Variants in PACRGL observed in about 807,000 individuals in gnomAD.
PACRGL encodes the protein PACRG-like protein.
PACRGL carries 38 observed loss-of-function variants against 34.5 expected under a neutral mutation model. The ratio of observed to expected loss-of-function variants is 1.10; its 90% CI spans 0.85 to 1.44. The LOEUF is 1.44. Ranked by LOEUF, PACRGL falls within the 40% of genes most tolerant of loss-of-function variation. The pLI is 0.00. For synonymous variants in PACRGL, 128 were observed against 100.1 expected (o/e 1.28, Z -1.66); for missense variants, 305 against 281.4 (o/e 1.08, Z -0.60).
At chr4:20,750,873 A>G (rs1253531661) in intron 8 of PACRGL, among the ~76,000 whole-genome samples, 1 of 152,096 alleles carries the variant, frequency 6.6e-6, no homozygotes, top group Non-Finnish European at 1.5e-5. Flanking sequence ...CTATTTTATA[A>G]CTTTTAACCT....
chr4:20,727,012 C>T (rs948356275), intron 8 of PACRGL, among the ~76,000 whole-genome samples: 2 of 151,982 alleles, frequency 1.3e-5, no homozygotes, highest in African/African-American at 4.8e-5. Context: ...AGTAATTAGT[C>T]CAGGTTTGAC....
At chr4:20,733,339 T>C (rs1181153485), downstream of PACRGL, among the ~76,000 whole-genome samples, 1 of 152,186 alleles carries the variant, frequency 6.6e-6, no homozygotes, top group African/African-American at 2.4e-5. Context: ...CTTTAAATTT[T>C]GTTATTAACT....
At chr4:20,718,704 C>G (rs1560343688) in intron 7 of PACRGL, 1 of 152,168 alleles carries the variant, frequency 6.6e-6, no homozygotes, top group African/African-American at 2.4e-5. Context: ...GGTGGATAAG[C>G]TTTTTGATGT....
downstream of PACRGL, among the ~76,000 whole-genome samples, chr4:20,753,906 G>GTTCA (rs3835144): frequency 0.21 from 32,221 of 151,208 alleles, 3,764 homozygotes; most frequent in East Asian, 0.3. Flanking sequence ...GAGCTCATTT[G>GTTCA]TTCATTCATT....
At position 20,700,719 on chromosome 4, in the gene PACRGL, A is replaced by C. The variant is rs952980927; in HGVS notation, c.-85A>C. On this transcript the variant is annotated 5_prime_UTR_variant, in exon 1 of 9. Coordinates refer to ENST00000503585, the MANE Select transcript of PACRGL (RefSeq NM_001258345.3). ...GACCCTTGAGATCGTGAGCGCTTGG[A>C]GTGTACCCCTCCTTTCCTGGGGTAG... is the stretch of plus-strand genomic sequence containing the variant. The C allele has an allele frequency of 5.3e-5, 8 of 152,174 alleles. No individual in the cohort carries two copies. In the East Asian group the frequency reaches 1.4e-3, roughly 26 times the overall value. The allele number at this position is 152,174 out of a possible 1,614,324, so 9.4% of individuals were successfully genotyped here. A position where few individuals can be genotyped will look rare whatever the true frequency, so the allele number is the denominator to read the frequency against.
chr4:20,761,770 T>C, the PACRGL span, among the ~76,000 whole-genome samples: 12 of 152,246 alleles, frequency 7.9e-5, no homozygotes, highest in Non-Finnish European at 8.8e-5. Flanking sequence ...ATGTGTTTTA[T>C]GTTTAATCAC....
intron 4 of PACRGL, among the ~76,000 whole-genome samples, chr4:20,708,369 T>C (rs1735526515): frequency 6.6e-6 from 1 of 152,204 alleles, no homozygotes; most frequent in African/African-American, 2.4e-5. Context: ...AAAGCATTTA[T>C]TTCTTCAGAG....
At position 20,709,637 on chromosome 4, in the gene PACRGL, T is replaced by C. The variant is rs756313669; in HGVS notation, c.276-46T>C. On this transcript the variant is annotated intron_variant, in intron 4 of 8. Coordinates refer to ENST00000503585, the MANE Select transcript of PACRGL (RefSeq NM_001258345.3). The stretch of plus-strand genomic sequence containing the variant: ...TATGTTAGATTATCCCTGCTTAATA[T>C]AGAATTATATTTTTCTTGTTGCATT... 4 of 1,257,108 alleles carry C rather than the reference T, an allele frequency of 3.2e-6. No homozygotes were observed. In the South Asian group the frequency reaches 3.9e-5, roughly 12 times the overall value. 77.9% of individuals were successfully genotyped at this position (1,257,108 alleles called of 1,614,324 possible). A position where few individuals can be genotyped will look rare whatever the true frequency, so the allele number is the denominator to read the frequency against.
chr4:20,713,238 TG>T (rs1738155455), intron 6 of PACRGL, 193 bp from the exon 7 acceptor site: 1 of 578,112 alleles, frequency 1.7e-6, no homozygotes, highest in South Asian at 2.5e-5. Flanking sequence ...ATGGAAAATT[TG>T]TTTTTTGCTT....
intron 8 of PACRGL, among the ~76,000 whole-genome samples, chr4:20,727,034 T>C (rs1383017833): frequency 6.6e-6 from 1 of 152,192 alleles, no homozygotes; most frequent in Non-Finnish European, 1.5e-5. Context: ...AATAAGTGAC[T>C]AGTAGATGCT....
chr4:20,733,991 C>T (rs1004643409), downstream of PACRGL, among the ~76,000 whole-genome samples: 8 of 152,136 alleles, frequency 5.3e-5, no homozygotes, highest in Non-Finnish European at 8.8e-5. Context: ...GGGGAAGTCT[C>T]GTGAGGCAAA....
upstream of PACRGL, among the ~76,000 whole-genome samples, chr4:20,699,222 GATT>G (rs1361687666): frequency 2.6e-3 from 334 of 129,938 alleles, 7 homozygotes; most frequent in South Asian, 0.051. Context: ...CAGGATATAA[GATT>G]TTTTTTTTTA....
At chr4:20,763,720 T>C in the PACRGL span, among the ~76,000 whole-genome samples, 4 of 152,082 alleles carry the variant, frequency 2.6e-5, no homozygotes, top group Non-Finnish European at 5.9e-5. Flanking sequence ...GCTTTATTTA[T>C]TGATTTTTAT....
chr4:20,739,200 T>G (rs976762472), intron 8 of PACRGL, among the ~76,000 whole-genome samples: 1 of 152,308 alleles, frequency 6.6e-6, no homozygotes, highest in East Asian at 1.9e-4. Context: ...TTCTGCAGAC[T>G]TAAACATCCC....
chr4:20,716,344 G>A (rs114800874), intron 7 of PACRGL: 7 of 560,314 alleles, frequency 1.2e-5, no homozygotes, highest in Non-Finnish European at 2.2e-5. Flanking sequence ...TTTTTTTTTT[G>A]TTTGTTTGTT....
upstream of PACRGL, among the ~76,000 whole-genome samples, chr4:20,700,240 T>C (rs1175813857): frequency 1.3e-5 from 2 of 152,182 alleles, no homozygotes; most frequent in Non-Finnish European, 2.9e-5. Context: ...TCTCCGGACC[T>C]CTTATTCGAA....
chr4:20,758,987 G>A, the PACRGL span: 1 of 854,432 alleles, frequency 1.2e-6, no homozygotes, highest in East Asian at 2.5e-5. Context: ...ATGCAAAGCT[G>A]CACCAAGAAA....
intron 4 of PACRGL, 87 bp from the exon 5 acceptor site, chr4:20,709,596 T>G: frequency 1.3e-6 from 1 of 794,488 alleles, no homozygotes; most frequent in Non-Finnish European, 2.0e-6. Flanking sequence ...AAAATAAATC[T>G]GATATGGTTA....
intron 7 of PACRGL, among the ~76,000 whole-genome samples, 177 bp from the exon 8 acceptor site, chr4:20,724,631 T>C (rs911741500): frequency 1.3e-5 from 2 of 152,180 alleles, no homozygotes; most frequent in African/African-American, 2.4e-5. Context: ...TAATGTAAAT[T>C]CATTGTTTTT....
Sources: gnomAD v4.1 joint callset for allele counts (sites outside exome capture counted in the v4.1 genomes callset) on GRCh38, gnomAD v4.1.1 for gene constraint, MANE v1.5 for transcripts, NCBI Gene and HGNC (gene_info 2026-07-23, HGNC 2026-07-21) for gene names.